CHCHD6: variants seen among roughly 807,000 people sequenced by gnomAD.
The protein encoded by CHCHD6 is coiled-coil-helix-coiled-coil-helix domain containing 6.
In CHCHD6, 28 loss-of-function variants were observed where a neutral mutation model predicts 32.3. That is an observed-to-expected ratio of 0.87 (90% confidence interval 0.64 to 1.19). The LOEUF (loss-of-function observed/expected upper bound fraction) is 1.19, where lower values mean the gene tolerates loss of function less well. Ranked by LOEUF, CHCHD6 falls within the 50% of genes most tolerant of loss-of-function variation. CHCHD6 has a pLI of 0.00. For missense variants in CHCHD6, 333 were observed against 307.0 expected (o/e 1.08, Z -0.63); for synonymous variants, 122 against 117.5 (o/e 1.04, Z -0.25).
intron 4 of CHCHD6, among the ~76,000 whole-genome samples, chr3:126,755,560 GCT>G (rs1435298340): frequency 1.3e-5 from 2 of 152,122 alleles, no homozygotes; most frequent in African/African-American, 4.8e-5. Context: ...AGTCACTGTA[GCT>G]CTCTTTTTGG....
At chr3:126,942,689 G>C (rs770884147) in intron 6 of CHCHD6, among the ~76,000 whole-genome samples, 8 of 152,102 alleles carry the variant, frequency 5.3e-5, no homozygotes, top group Admixed American at 3.3e-4. Context: ...GGAGTCAGCC[G>C]TTTCTCCCAG....
At chr3:126,720,908 CA>C (rs949265276) in intron 1 of CHCHD6, among the ~76,000 whole-genome samples, 1 of 152,056 alleles carries the variant, frequency 6.6e-6, no homozygotes, top group African/African-American at 2.4e-5. Context: ...GCTACAGCCG[CA>C]AAAAAGGAGC....
chr3:126,865,676 C>T (rs932405190), intron 5 of CHCHD6: 6 of 985,242 alleles, frequency 6.1e-6, no homozygotes, highest in Admixed American at 6.1e-5. Context: ...CCCTCACTGC[C>T]CCCACTTCCA....
At chr3:126,943,016 T>C (rs542182154) in intron 6 of CHCHD6, among the ~76,000 whole-genome samples, 1 of 152,330 alleles carries the variant, frequency 6.6e-6, no homozygotes, top group East Asian at 1.9e-4. Context: ...TAAATCTCCC[T>C]TCTCATAGAG....
intron 4 of CHCHD6, among the ~76,000 whole-genome samples, chr3:126,845,481 G>T (rs2107548763): frequency 6.6e-6 from 1 of 152,228 alleles, no homozygotes; most frequent in South Asian, 2.1e-4. Context: ...CAGATTTGTT[G>T]TCTCAGACTT....
intron 3 of CHCHD6, among the ~76,000 whole-genome samples, chr3:126,731,683 G>A (rs1408785009): frequency 6.6e-6 from 1 of 152,116 alleles, no homozygotes. Flanking sequence ...ATGGTTGGGC[G>A]TTTGCCCTCT....
At chr3:126,866,501 G>A (rs1472998103) in intron 5 of CHCHD6, among the ~76,000 whole-genome samples, 1 of 152,210 alleles carries the variant, frequency 6.6e-6, no homozygotes, top group Non-Finnish European at 1.5e-5. Context: ...AACAGGCTTG[G>A]AAATCTATAC....
chr3:126,941,324 CA>C (rs773888550), intron 6 of CHCHD6, among the ~76,000 whole-genome samples: 2 of 152,204 alleles, frequency 1.3e-5, no homozygotes, highest in Non-Finnish European at 2.9e-5. Flanking sequence ...TTCCTTCTTA[CA>C]CACTTGAGTC....
At chr3:126,719,941 C>T (rs1035206884) in intron 1 of CHCHD6, among the ~76,000 whole-genome samples, 2 of 151,984 alleles carry the variant, frequency 1.3e-5, no homozygotes, top group Non-Finnish European at 1.5e-5. Flanking sequence ...AGTGCAATGG[C>T]GTGATCTCAG....
chr3:126,924,184 C>T (rs989560853), intron 6 of CHCHD6, among the ~76,000 whole-genome samples: 8 of 152,136 alleles, frequency 5.3e-5, no homozygotes, highest in African/African-American at 1.4e-4. Flanking sequence ...GGGGAAAAAG[C>T]GATTTGTAGT....
intron 6 of CHCHD6, among the ~76,000 whole-genome samples, chr3:126,926,077 C>A (rs533987918): frequency 5.3e-5 from 8 of 152,330 alleles, no homozygotes; most frequent in African/African-American, 1.4e-4. Context: ...GCTTAGGACT[C>A]TCGTTCCTCT....
chr3:126,928,788 G>T (rs13072424), intron 6 of CHCHD6, among the ~76,000 whole-genome samples: 151,853 of 152,314 alleles, frequency 1, 75,699 homozygotes, highest in Middle Eastern at 1. Flanking sequence ...GATGAGGTCC[G>T]GAGTAACTGC....
At chr3:126,835,395 A>G (rs1487563027) in intron 4 of CHCHD6, among the ~76,000 whole-genome samples, 1 of 151,792 alleles carries the variant, frequency 6.6e-6, no homozygotes, top group Non-Finnish European at 1.5e-5. Flanking sequence ...CACTTCTCTG[A>G]CTCCCTTAAC....
chr3:126,746,145 A>G (rs1441057488), intron 4 of CHCHD6, among the ~76,000 whole-genome samples: 2 of 152,080 alleles, frequency 1.3e-5, no homozygotes, highest in Non-Finnish European at 2.9e-5. Flanking sequence ...CAGGTAACAA[A>G]GCTCTGAGGC....
At chr3:126,915,980 G>T (rs57966872) in intron 6 of CHCHD6, among the ~76,000 whole-genome samples, 8,669 of 152,174 alleles carry the variant, frequency 0.057, 771 homozygotes, top group African/African-American at 0.19. Flanking sequence ...TAGAGATGGG[G>T]TTCACCATGT....
chr3:126,833,496 C>T (rs1396011600), intron 4 of CHCHD6, among the ~76,000 whole-genome samples: 9 of 152,302 alleles, frequency 5.9e-5, no homozygotes, highest in South Asian at 4.1e-4. Context: ...GCTTTGCACG[C>T]GATATGTCTT....
At chr3:126,854,028 A>G (rs1216521688) in intron 5 of CHCHD6, among the ~76,000 whole-genome samples, 1 of 152,144 alleles carries the variant, frequency 6.6e-6, no homozygotes, top group African/African-American at 2.4e-5. Flanking sequence ...GCATGTGTAC[A>G]TATCTCTGTT....
At chr3:126,854,867 A>T (rs929028474) in intron 5 of CHCHD6, 1 of 152,424 alleles carries the variant, frequency 6.6e-6, no homozygotes, top group Non-Finnish European at 1.5e-5. Flanking sequence ...GCCATGGTGT[A>T]TCCAAGGGGC....
At chr3:126,726,736 G>T (rs761869862) in intron 1 of CHCHD6, among the ~76,000 whole-genome samples, 96 of 152,332 alleles carry the variant, frequency 6.3e-4, no homozygotes, top group Non-Finnish European at 1.2e-3. Context: ...TGGTGGGCTG[G>T]AGGTGGTTCA....
Sources: allele counts gnomAD v4.1 joint callset (sites outside exome capture counted in the v4.1 genomes callset), GRCh38; gene constraint gnomAD v4.1.1; transcripts MANE v1.5; gene names NCBI Gene and HGNC (gene_info 2026-07-23, HGNC 2026-07-21).